The following ZNF16 variants were observed in gnomAD, a reference collection of about 807,000 sequenced individuals.
ZNF16 encodes the protein zinc finger protein KOX9.
In ZNF16, 7 loss-of-function variants were observed where a neutral mutation model predicts 9.0. The observed-to-expected ratio is 0.78, with a 90% CI of 0.44 to 1.47. The LOEUF (loss-of-function observed/expected upper bound fraction) is 1.47. Ranked by LOEUF, ZNF16 falls within the 40% of genes most tolerant of loss-of-function variation. The probability of loss-of-function intolerance (pLI) is 0.01; values close to 1 mark genes in which losing one functional copy is unlikely to be tolerated. For missense variants in ZNF16, 830 were observed against 854.2 expected (o/e 0.97, Z 0.35); for synonymous variants, 312 against 301.5 (o/e 1.03, Z -0.36).
In ZNF16 at chr8:144,945,997, T is replaced by A; in HGVS notation, c.196+14A>T. ...CAGAATAAGGGCACCAGCGGAGAAC[T>A]GTTCTTAAAGTACCTGGCTGCTGAT... On this transcript the variant is annotated intron_variant, in intron 2 of 2. Transcript: ENST00000394909. 6.2e-7 allele frequency: 1 copy of A among 1,613,172 alleles called. No homozygotes were observed. The highest frequency in any genetic ancestry group is 8.5e-7 in the Non-Finnish European group (1 of 1,179,504).
chr8:144,930,744 C>G lies in ZNF16; in HGVS notation c.2043G>C (p.Arg681Ser). The change falls in exon 3 of 3, where the codon AGG (arginine) becomes AGC (serine). Residue 681 changes from arginine to serine, a missense_variant. By Grantham distance (110) the Arg-to-Ser change is moderately radical. Coordinates refer to ENST00000394909, the MANE Select transcript of ZNF16 (RefSeq NM_006958.3). ...KLIKHQLIHTRE is the reference protein window; with the variant it reads ...KLIKHQLIHTSE ...CTCCTGCCAGCCCAACAGCCTATTC[C>G]CTGGTGTGAATCAACTGGTGTTTGA... 6.6e-7 allele frequency: 1 copy of G among 1,526,214 alleles called. No homozygotes were observed. The allele number at this position is 1,526,214 out of a possible 1,614,324, so 94.5% of individuals were successfully genotyped here. A position where few individuals can be genotyped will look rare whatever the true frequency, so the allele number is the denominator to read the frequency against.
At position 144,932,196 on chromosome 8, in the gene ZNF16, A is replaced by G. The variant is rs1318925262; in HGVS notation, c.591T>C (p.Thr197=). 3.7e-6 allele frequency: 6 copies of G among 1,614,068 alleles called. No individual in the cohort carries two copies. In the East Asian group the frequency reaches 1.3e-4, roughly 36 times the overall value. ...CAGCTGTGGGAACCCCCTCATGACC[A>G]GTTAGGTCCACACTGTGCTGGAAAC... ...GQSFQHSVDL[T]GHEGVPTAES... is the part of the protein sequence containing the mutation. The change falls in exon 3 of 3, where the codon ACT becomes ACC. Residue 197 remains threonine, a synonymous_variant. Transcript: ENST00000394909. This position sits in a 1 kb window ranked among gnomAD's most constrained non-coding sequence, Gnocchi z 5.0.
At chr8:144,947,356 G>T (rs1017850189) in intron 1 of ZNF16, among the ~76,000 whole-genome samples, 30 of 126,182 alleles carry the variant, frequency 2.4e-4, no homozygotes, top group African/African-American at 9.9e-4. Context: ...GTCCTGTTGT[G>T]GGGCCTGTAT....
At position 144,933,101 on chromosome 8, in the gene ZNF16, T is replaced by G. The variant is rs1208800457; in HGVS notation, c.197-511A>C. Among the ~76,000 whole-genome samples the G allele has an allele frequency of 6.6e-6, 1 of 152,234 alleles. No individual in the cohort carries two copies. Among genetic ancestry groups the G allele is most frequent in the Non-Finnish European group, 1.5e-5 (1 of 68,038 alleles). On this transcript the variant is annotated intron_variant, in intron 2 of 2. Transcript: ENST00000394909. This position sits in a 1 kb window ranked among gnomAD's most constrained non-coding sequence, Gnocchi z 5.6. ...AGCCTTACCAGCCTATCTCCAGTTC[T>G]GTCAGTGCATGCTAATGGCACTGAG...
chr8:144,950,247 C>T (rs532508270), intron 1 of ZNF16, among the ~76,000 whole-genome samples: 434 of 152,126 alleles, frequency 2.9e-3, no homozygotes, highest in Non-Finnish European at 4.6e-3. Flanking sequence ...CTGCATTCCT[C>T]TTGCTGAGAT....
chr8:144,931,746 T>C lies in ZNF16; in HGVS notation c.1041A>G (p.Lys347=), dbSNP rs1395684855. 2 of 1,613,870 alleles carry C rather than the reference T, an allele frequency of 1.2e-6. No homozygotes were observed. Among genetic ancestry groups the C allele is most frequent in the East Asian group, 2.2e-5 (1 of 44,820 alleles). Residue 347 remains lysine, a synonymous_variant, in exon 3 of 3, where the codon AAA becomes AAG. Coordinates refer to ENST00000394909, the MANE Select transcript of ZNF16 (RefSeq NM_006958.3). ...TCCCACACTCACTGCACACATACGG[T>C]TTCTCCCCAGAATGGATTCTTTGAT... is the stretch of plus-strand genomic sequence containing the variant. The part of the protein sequence containing the change: ...IQHQRIHSGE[K]PYVCSECGKA...
In ZNF16 at chr8:144,930,531, G is replaced by C; in HGVS notation, c.*207C>G. The C allele has an allele frequency of 3.8e-6, 2 of 524,742 alleles. No homozygotes were observed. Among genetic ancestry groups the C allele is most frequent in the Non-Finnish European group, 6.5e-6 (2 of 309,534 alleles). 32.5% of individuals were successfully genotyped at this position (524,742 alleles called of 1,614,324 possible). On this transcript the variant is annotated 3_prime_UTR_variant, in exon 3 of 3. Coordinates refer to ENST00000394909, the MANE Select transcript of ZNF16 (RefSeq NM_006958.3). ...GCTGTAAAAACAAGCCCAAACCCAA[G>C]ACATCACAAGAGGCAAGAGCAGTGG...
At chr8:144,943,531 T>A (rs1276351529) in intron 2 of ZNF16, among the ~76,000 whole-genome samples, 9 of 152,132 alleles carry the variant, frequency 5.9e-5, no homozygotes, top group Non-Finnish European at 1.2e-4. Context: ...TTTTTTCTTT[T>A]TTTTTTGAGA....
Position 144,930,855 on chromosome 8 carries a change from G to A in ZNF16, c.1932C>T (p.Leu644=), listed in dbSNP as rs1833507556. ...CAGTGTGAATCCTCTGGTGCTGGAT[G>A]AGGACCGAACGCTGACTGAAGGCTT... ...CGKAFSQRSV[L]IQHQRIHTGV... is the part of the protein sequence containing the mutation. Residue 644 remains leucine, a synonymous_variant, in exon 3 of 3, where the codon CTC becomes CTT. Coordinates refer to ENST00000394909, the MANE Select transcript of ZNF16 (RefSeq NM_006958.3). The A allele has an allele frequency of 1.2e-6, 2 of 1,602,664 alleles. No homozygotes were observed. Among genetic ancestry groups the A allele is most frequent in the Non-Finnish European group, 1.7e-6 (2 of 1,173,870 alleles).
chr8:144,932,107 CG>C lies in ZNF16; in HGVS notation c.679del (p.Arg227ValfsTer3). 1 of 1,614,080 alleles carries C rather than the reference CG, an allele frequency of 6.2e-7. No homozygotes were observed. On this transcript the variant is annotated frameshift_variant, in exon 3 of 3. Transcript: ENST00000394909. LOFTEE classifies it low-confidence loss of function (END_TRUNC). This position sits in a 1 kb window ranked among gnomAD's most constrained non-coding sequence, Gnocchi z 5.0. ...AGCCTCCCCAGTGTGGACTATTTGA[CG>C]CTGAATAAGGTCAGGATTTCCTTGG... ...TFQGNPDLIQ[R>X]QIVHTGEASF...
intron 2 of ZNF16, among the ~76,000 whole-genome samples, chr8:144,941,003 C>T (rs1833784645): frequency 6.6e-6 from 1 of 152,124 alleles, no homozygotes; most frequent in East Asian, 1.9e-4. Flanking sequence ...CGACACACTG[C>T]AGATTAGATT....
chr8:144,937,937 G>A (rs1422500958), intron 2 of ZNF16, among the ~76,000 whole-genome samples: 1 of 152,070 alleles, frequency 6.6e-6, no homozygotes, highest in Non-Finnish European at 1.5e-5. Context: ...CAAAGTGCTG[G>A]GATTACAGGC....
chr8:144,948,188 A>C (rs1834009392), intron 1 of ZNF16: 1 of 152,294 alleles, frequency 6.6e-6, no homozygotes, highest in Non-Finnish European at 1.5e-5. Context: ...AACAGAGCTC[A>C]CAGGGATGGT....
rs1441169250 is a variant in ZNF16 at position 144,932,502 on chromosome 8, G to C, written c.285C>G (p.Asn95Lys). The part of the protein sequence containing the change: ...DLESQAEISE[N>K]YAGDVSQVPE... Reference sequence around the variant, plus strand: ...GTACCTGGGAAACATCACCAGCATAGTTTTCTGATATTTCTGCCTGTGATT... The same window carrying C: ...GTACCTGGGAAACATCACCAGCATACTTTTCTGATATTTCTGCCTGTGATT... Residue 95 changes from asparagine (N) to lysine (K), a missense_variant, in exon 3 of 3, where the codon AAC (asparagine) becomes AAG (lysine). Coordinates refer to ENST00000394909, the MANE Select transcript of ZNF16 (RefSeq NM_006958.3). This position sits in a 1 kb window ranked among gnomAD's most constrained non-coding sequence, Gnocchi z 5.0. 6.2e-7 allele frequency: 1 copy of C among 1,614,106 alleles called. No homozygotes were observed. Among genetic ancestry groups the C allele is most frequent in the Non-Finnish European group, 8.5e-7 (1 of 1,180,050 alleles).
Position 144,937,137 on chromosome 8 carries a change from C to CTTTTTTTTTTTTTTTTTTTTTTTT in ZNF16, c.197-4548_197-4547insAAAAAAAAAAAAAAAAAAAAAAAA, listed in dbSNP as rs1554659152. On this transcript the variant is annotated intron_variant, in intron 2 of 2. Coordinates refer to ENST00000394909, the MANE Select transcript of ZNF16 (RefSeq NM_006958.3). The stretch of plus-strand genomic sequence containing the variant: ...GCAGGATGCTTTTTTCACTTTCTTT[C>CTTTTTTTTTTTTTTTTTTTTTTTT]TCTCTCTTTTTTTTTTTTTTTTTTT... 6.2e-5 allele frequency among the ~76,000 whole-genome samples: 7 copies of CTTTTTTTTTTTTTTTTTTTTTTTT among 112,992 alleles called. 3 individuals are homozygous for CTTTTTTTTTTTTTTTTTTTTTTTT. Among genetic ancestry groups the CTTTTTTTTTTTTTTTTTTTTTTTT allele is most frequent in the Non-Finnish European group, 1.9e-5 (1 of 52,030 alleles). 74.1% of individuals were successfully genotyped at this position (112,992 alleles called of 152,430 possible).
intron 1 of ZNF16, among the ~76,000 whole-genome samples, chr8:144,950,173 C>T (rs114807796): frequency 0.021 from 3,172 of 151,730 alleles, 52 homozygotes; most frequent in African/African-American, 0.033. Context: ...AATTATGGCA[C>T]AGATTCTTTT....
Position 144,931,913 on chromosome 8 carries a change from G to A in ZNF16, c.874C>T (p.Pro292Ser). Residue 292 changes from proline to serine, a missense_variant, in exon 3 of 3, where the codon CCT becomes TCT. Transcript: ENST00000394909. Reference protein sequence around the residue: ...RHQSHHSSERPYMCNECGKAF... With the variant: ...RHQSHHSSERSYMCNECGKAF... ...TTTCCACATTCATTACACATATAAGGCCTCTCACTGCTGTGGTGACTCTGA... is the reference window on the plus strand; with the variant it reads ...TTTCCACATTCATTACACATATAAGACCTCTCACTGCTGTGGTGACTCTGA... 6.2e-7 allele frequency: 1 copy of A among 1,614,068 alleles called. No homozygotes were observed. The highest frequency in any genetic ancestry group is 8.5e-7 in the Non-Finnish European group (1 of 1,180,010).
intron 2 of ZNF16, among the ~76,000 whole-genome samples, chr8:144,937,162 TTTG>T: frequency 6.9e-6 from 1 of 144,384 alleles, no homozygotes; most frequent in African/African-American, 2.7e-5. Context: ...TTTTTTTTTT[TTTG>T]AGACAGAGTC....
chr8:144,936,751 G>C (rs1252925323), intron 2 of ZNF16, among the ~76,000 whole-genome samples: 4 of 148,090 alleles, frequency 2.7e-5, no homozygotes, highest in Non-Finnish European at 5.9e-5. Flanking sequence ...TTATGAGACA[G>C]AGTCTTGCTC....
Sources: gnomAD v4.1 joint callset for allele counts (sites outside exome capture counted in the v4.1 genomes callset) on GRCh38, gnomAD v4.1.1 for gene constraint, Gnocchi (gnomAD v3.1) non-coding constraint, MANE v1.5 for transcripts, NCBI Gene and HGNC (gene_info 2026-07-23, HGNC 2026-07-21) for gene names.